Variants in ZNF407 observed in about 807,000 individuals in gnomAD.
ZNF407 encodes zinc finger protein 407.
A neutral mutation model predicts 131.2 loss-of-function variants in ZNF407; 17 were observed. The observed-to-expected ratio is 0.13, with a 90% CI of 0.09 to 0.19. ZNF407 has a LOEUF of 0.19. Ranked by LOEUF, ZNF407 falls within the 10% of genes least tolerant of loss-of-function variation. ZNF407 has a pLI of 1.00. For missense variants in ZNF407, 2,681 were observed against 2,830.6 expected (o/e 0.95, Z 1.20); for synonymous variants, 1,156 against 1,062.0 (o/e 1.09, Z -1.72).
At chr18:74,798,016 C>G (rs1052663152) in intron 4 of ZNF407, among the ~76,000 whole-genome samples, 1 of 152,094 alleles carries the variant, frequency 6.6e-6, no homozygotes, top group Non-Finnish European at 1.5e-5. Context: ...GCATGACTCA[C>G]TAATGCTGGG....
intron 8 of ZNF407, among the ~76,000 whole-genome samples, chr18:74,926,262 C>T (rs1363156319): frequency 6.6e-6 from 1 of 152,164 alleles, no homozygotes; most frequent in Non-Finnish European, 1.5e-5. Flanking sequence ...TGTTGGAATT[C>T]CTAAGTTTAG....
intron 7 of ZNF407, among the ~76,000 whole-genome samples, chr18:74,902,422 A>G (rs983193251): frequency 2.6e-5 from 4 of 152,230 alleles, no homozygotes; most frequent in Non-Finnish European, 5.9e-5. Flanking sequence ...GAGAATAGAA[A>G]TGGGAAAATG....
chr18:74,828,164 G>T (rs185179434), intron 4 of ZNF407, among the ~76,000 whole-genome samples: 1 of 152,144 alleles, frequency 6.6e-6, no homozygotes, highest in Non-Finnish European at 1.5e-5. Context: ...TAACTGGGAC[G>T]ACCAGAGTGA....
intron 3 of ZNF407, among the ~76,000 whole-genome samples, chr18:74,656,148 G>C (rs1409865118): frequency 2.0e-5 from 3 of 152,044 alleles, no homozygotes; most frequent in Non-Finnish European, 2.9e-5. Context: ...CTAATTAAAA[G>C]AAATTTTACT....
intron 8 of ZNF407, among the ~76,000 whole-genome samples, chr18:74,993,363 G>C (rs1972741067): frequency 6.6e-6 from 1 of 152,206 alleles, no homozygotes; most frequent in African/African-American, 2.4e-5. Flanking sequence ...AGTCTCAAAA[G>C]TGTGCTAAGC....
At chr18:74,792,757 T>G (rs1327552491) in intron 4 of ZNF407, among the ~76,000 whole-genome samples, 2 of 152,204 alleles carry the variant, frequency 1.3e-5, no homozygotes, top group Non-Finnish European at 2.9e-5. Flanking sequence ...GCATTAACTC[T>G]TTTTCCTTTA....
intron 3 of ZNF407, among the ~76,000 whole-genome samples, chr18:74,687,962 GAATT>G (rs987319169): frequency 4.6e-5 from 7 of 151,908 alleles, no homozygotes; most frequent in Non-Finnish European, 1.0e-4. Flanking sequence ...ATATTATTCT[GAATT>G]AAAAAGATTA....
chr18:74,713,067 C>A (rs1194515511), intron 3 of ZNF407, among the ~76,000 whole-genome samples: 2 of 152,100 alleles, frequency 1.3e-5, no homozygotes, highest in African/African-American at 4.8e-5. Context: ...AGATACTTGG[C>A]CTTATTGATA....
intron 3 of ZNF407, among the ~76,000 whole-genome samples, chr18:74,773,053 G>A (rs1969394412): frequency 1.3e-5 from 2 of 152,112 alleles, no homozygotes; most frequent in South Asian, 4.1e-4. Flanking sequence ...TATTGTCAAT[G>A]CAGACAAGAA....
intron 8 of ZNF407, among the ~76,000 whole-genome samples, chr18:74,998,589 AT>A (rs1196850807): frequency 4.0e-5 from 6 of 151,736 alleles, no homozygotes; most frequent in African/African-American, 1.5e-4. Context: ...CAAAAAACAC[AT>A]GAAGAAATGC....
chr18:74,920,556 T>G lies in ZNF407; in HGVS notation c.5292T>G (p.Thr1764=), dbSNP rs374353507. 7.2e-5 allele frequency: 115 copies of G among 1,595,040 alleles called. 2 individuals carry two copies. The African/African-American group carries it at 1.5e-3, about 21-fold the overall frequency. Residue 1764 remains threonine, a synonymous_variant, in exon 8 of 9, where the codon ACT becomes ACG. Coordinates refer to ENST00000299687, the MANE Select transcript of ZNF407 (RefSeq NM_017757.3). ...ATATCCGCAAACACATTCTGCATAC[T>G]GGCAAACATGAAGGAGTCAAGATGT... ...AENIRKHILH[T]GKHEGVKMYN...
chr18:74,669,591 G>C (rs558413994), intron 3 of ZNF407, among the ~76,000 whole-genome samples: 21 of 152,200 alleles, frequency 1.4e-4, no homozygotes, highest in Non-Finnish European at 2.6e-4. Context: ...TTGGAAGTTA[G>C]TTATTGACCA....
intron 3 of ZNF407, among the ~76,000 whole-genome samples, chr18:74,763,500 C>A (rs987493728): frequency 6.6e-6 from 1 of 151,184 alleles, no homozygotes; most frequent in Non-Finnish European, 1.5e-5. Flanking sequence ...GAAATCTTTA[C>A]CTAGATGAAG....
At chr18:74,809,890 T>C (rs1053326002) in intron 4 of ZNF407, among the ~76,000 whole-genome samples, 1 of 152,170 alleles carries the variant, frequency 6.6e-6, no homozygotes, top group Admixed American at 6.5e-5. Flanking sequence ...TGGTGATAAA[T>C]GTTGAAGGCA....
At chr18:74,700,652 G>C (rs926198354) in intron 3 of ZNF407, among the ~76,000 whole-genome samples, 1 of 152,240 alleles carries the variant, frequency 6.6e-6, no homozygotes, top group Middle Eastern at 3.4e-3. Context: ...TAGTTTCTGT[G>C]ATGACAGAGG....
Position 74,633,630 on chromosome 18 carries a change from C to A in ZNF407, c.2611C>A (p.Arg871=). The stretch of plus-strand genomic sequence containing the variant: ...TACAAACTTGACTGTTCACATTAGA[C>A]GAAAACACAGTCACCAGTATAGTTA... The part of the protein sequence containing the change: ...SITNLTVHIR[R]KHSHQYSYLC... The change falls in exon 2 of 9, where the codon CGA becomes AGA. Residue 871 remains arginine (R), a synonymous_variant. Coordinates refer to ENST00000299687, the MANE Select transcript of ZNF407 (RefSeq NM_017757.3). The A allele has an allele frequency of 3.1e-6, 5 of 1,613,882 alleles. No individual in the cohort carries two copies. The highest frequency in any genetic ancestry group is 4.2e-6 in the Non-Finnish European group (5 of 1,179,864).
chr18:74,808,987 G>T (rs1279808188), intron 4 of ZNF407, among the ~76,000 whole-genome samples: 1 of 152,120 alleles, frequency 6.6e-6, no homozygotes, highest in East Asian at 1.9e-4. Flanking sequence ...ACAATGTGGA[G>T]CTAACACAGA....
rs36225166 is a variant in ZNF407 at position 74,963,152 on chromosome 18, CTTTTTTT to C, written c.5428+42471_5428+42477del. Among the ~76,000 whole-genome samples the C allele has an allele frequency of 3.0e-3, 411 of 138,500 alleles. 2 individuals carry two copies. Among genetic ancestry groups the C allele is most frequent in the African/African-American group, 9.8e-3 (376 of 38,492 alleles). 90.9% of individuals were successfully genotyped at this position (138,500 alleles called of 152,430 possible). A position where few individuals can be genotyped will look rare whatever the true frequency, so the allele number is the denominator to read the frequency against. Reference sequence around the variant, plus strand: ...CATTTCCATTGACTAACCTTCATTCCTTTTTTTTTTTTTTTTTGTCCTGAATGGAACA... The same window carrying C: ...CATTTCCATTGACTAACCTTCATTCCTTTTTTTTTTGTCCTGAATGGAACA... On this transcript the variant is annotated intron_variant, in intron 8 of 8. Coordinates refer to ENST00000299687, the MANE Select transcript of ZNF407 (RefSeq NM_017757.3).
intron 8 of ZNF407, among the ~76,000 whole-genome samples, chr18:75,033,476 A>C: frequency 6.6e-6 from 1 of 152,254 alleles, no homozygotes; most frequent in East Asian, 1.9e-4. Flanking sequence ...TACAAACAAC[A>C]ATAGACAGAG....
Sources: gnomAD v4.1 joint callset for allele counts (sites outside exome capture counted in the v4.1 genomes callset) on GRCh38, gnomAD v4.1.1 for gene constraint, MANE v1.5 for transcripts, NCBI Gene and HGNC (gene_info 2026-07-23, HGNC 2026-07-21) for gene names.